The following OR3A2 variants were observed in gnomAD, a reference collection of about 807,000 sequenced individuals.
The protein encoded by OR3A2 is olfactory receptor family 3 subfamily A member 2, also known as olfactory receptor 3A2.
For synonymous variants in OR3A2, 126 were observed against 159.3 expected, an observed-to-expected ratio of 0.79 and a Z score of 1.57; for missense variants, 318 against 392.8, an observed-to-expected ratio of 0.81 and a Z score of 1.61.
intron 2 of OR3A2, among the ~76,000 whole-genome samples, chr17:3,365,547 C>T (rs983441590): frequency 3.9e-5 from 6 of 152,198 alleles, no homozygotes; most frequent in African/African-American, 1.4e-4. Flanking sequence ...CACAACACAG[C>T]TTGTCTCTCA....
In OR3A2 at chr17:3,331,447, C is replaced by G. The variant is rs537934620; in HGVS notation, c.-85+4586G>C. On this transcript the variant is annotated intron_variant, in intron 3 of 4. Coordinates refer to the OR3A2 transcript ENST00000573491. The stretch of plus-strand genomic sequence containing the variant: ...TCTTTTTTCTCTAAACTTCCCTTCT[C>G]ACTTCATTTCATTCATTTCATCTTC... Among the ~76,000 whole-genome samples the G allele has an allele frequency of 8.8e-4, 134 of 151,926 alleles. 1 individual carries two copies. The highest frequency in any genetic ancestry group is 1.2e-3 in the Non-Finnish European group (81 of 67,966).
At chr17:3,358,727 G>C (rs947288292) in intron 2 of OR3A2, among the ~76,000 whole-genome samples, 2 of 151,788 alleles carry the variant, frequency 1.3e-5, no homozygotes, top group African/African-American at 4.9e-5. Flanking sequence ...TATGTGCCAT[G>C]TGGCAACAAG....
At chr17:3,283,255 T>A (rs9907194) in intron 1 of OR3A2, among the ~76,000 whole-genome samples, 1 of 152,090 alleles carries the variant, frequency 6.6e-6, no homozygotes, top group Non-Finnish European at 1.5e-5. Flanking sequence ...GACAGAGTTT[T>A]GCTCTTTTTG....
chr17:3,348,723 A>T (rs1297830763), intron 2 of OR3A2, among the ~76,000 whole-genome samples: 7 of 152,070 alleles, frequency 4.6e-5, no homozygotes, highest in African/African-American at 1.7e-4. Flanking sequence ...CAAAATACAT[A>T]ATTGTCAGAT....
downstream of OR3A2, among the ~76,000 whole-genome samples, chr17:3,276,137 CACA>C (rs908748323): frequency 6.8e-6 from 1 of 147,590 alleles, no homozygotes; most frequent in African/African-American, 2.5e-5. Flanking sequence ...GAATATTCAT[CACA>C]ACATTGTTGT....
chr17:3,352,249 T>C (rs2049425548), intron 2 of OR3A2, among the ~76,000 whole-genome samples: 1 of 146,774 alleles, frequency 6.8e-6, no homozygotes, highest in African/African-American at 2.7e-5. Flanking sequence ...TAGAAGCTTT[T>C]TAACTTGATG....
At chr17:3,280,799 T>C (rs12051739) in intron 1 of OR3A2, among the ~76,000 whole-genome samples, 33,108 of 152,096 alleles carry the variant, frequency 0.22, 5,064 homozygotes, top group African/African-American at 0.42. Context: ...AAATCAGAAA[T>C]GCTGTAGCAG....
intron 3 of OR3A2, among the ~76,000 whole-genome samples, chr17:3,313,275 C>T (rs1318646937): frequency 6.6e-6 from 1 of 152,202 alleles, no homozygotes; most frequent in Non-Finnish European, 1.5e-5. Flanking sequence ...AGCAGGGAAC[C>T]CTTAAGGGGC....
chr17:3,278,383 G>T, exon 2 of OR3A2: 1 of 1,614,214 alleles, frequency 6.2e-7, no homozygotes, highest in South Asian at 1.1e-5. Flanking sequence ...CAGTAGAAGT[G>T]ATTGACCTCA....
upstream of OR3A2, among the ~76,000 whole-genome samples, chr17:3,289,185 C>T (rs2048841903): frequency 6.6e-6 from 1 of 152,172 alleles, no homozygotes; most frequent in African/African-American, 2.4e-5. Context: ...GATAAGATTA[C>T]TGTGCGGATG....
At chr17:3,378,321 G>A (rs543974590) in intron 2 of OR3A2, among the ~76,000 whole-genome samples, 76 of 152,366 alleles carry the variant, frequency 5.0e-4, no homozygotes, top group Non-Finnish European at 8.2e-4. Context: ...GGGCTGGCAC[G>A]TCAGCCCCCT....
At chr17:3,297,502 T>TG (rs1241909638) in intron 3 of OR3A2, among the ~76,000 whole-genome samples, 1 of 147,876 alleles carries the variant, frequency 6.8e-6, no homozygotes, top group African/African-American at 2.7e-5. Context: ...GTGCTTCCTC[T>TG]GTAAAGGTTT....
chr17:3,350,554 CAA>C (rs2049411667), intron 2 of OR3A2, among the ~76,000 whole-genome samples: 3 of 151,260 alleles, frequency 2.0e-5, no homozygotes, highest in Admixed American at 1.3e-4. Flanking sequence ...GCTTACCAAC[CAA>C]AAAGAGTCCA....
intron 2 of OR3A2, among the ~76,000 whole-genome samples, chr17:3,371,612 A>G (rs2049622506): frequency 8.3e-6 from 1 of 120,350 alleles, no homozygotes; most frequent in South Asian, 2.8e-4. Flanking sequence ...CTGGCCGGGC[A>G]GAGGGGCTCC....
At chr17:3,366,339 G>A (rs2049563188) in intron 2 of OR3A2, among the ~76,000 whole-genome samples, 1 of 152,154 alleles carries the variant, frequency 6.6e-6, no homozygotes, top group African/African-American at 2.4e-5. Context: ...CCTGCCATGG[G>A]AACTGACCCT....
intron 3 of OR3A2, among the ~76,000 whole-genome samples, chr17:3,301,179 T>A (rs60077865): frequency 0.021 from 3,243 of 152,326 alleles, 126 homozygotes; most frequent in African/African-American, 0.073. Flanking sequence ...TATAGCAGCA[T>A]GATTTATAAT....
At chr17:3,381,761 G>A (rs1038787619) in intron 2 of OR3A2, among the ~76,000 whole-genome samples, 3 of 152,076 alleles carry the variant, frequency 2.0e-5, no homozygotes, top group South Asian at 2.1e-4. Context: ...ACTCCTATGT[G>A]TCCACTGAAT....
At chr17:3,285,105 G>T (rs1377528380), upstream of OR3A2, among the ~76,000 whole-genome samples, 1 of 152,024 alleles carries the variant, frequency 6.6e-6, no homozygotes, top group East Asian at 1.9e-4. Context: ...CTACTGGGAA[G>T]GTGCCTATCA....
rs2855676 is a variant in OR3A2, at chr17:3,279,194, A to C, written c.-6-271T>G. The C allele has an allele frequency of 2.3e-3, 1,285 of 548,884 alleles. 14 individuals are homozygous for C. The highest frequency in any genetic ancestry group is 0.019 in the African/African-American group (1,024 of 53,212). The allele number at this position is 548,884 out of a possible 1,614,324, so 34.0% of individuals were successfully genotyped here. ...AACTATAGTTAATAAAGTGTATTGCATTCAGGATTTTTGCTGAGTAGATTA... is the reference window on the plus strand; with the variant it reads ...AACTATAGTTAATAAAGTGTATTGCCTTCAGGATTTTTGCTGAGTAGATTA... On this transcript the variant is annotated intron_variant, in intron 1 of 1. Transcript: ENST00000642052.
Sources: gnomAD v4.1 joint callset for allele counts (sites outside exome capture counted in the v4.1 genomes callset) on GRCh38, gnomAD v4.1.1 for gene constraint, MANE v1.5 for transcripts, NCBI Gene and HGNC (gene_info 2026-07-23, HGNC 2026-07-21) for gene names.